The following DSE variants were observed in gnomAD, a reference collection of about 807,000 sequenced individuals.
DSE encodes the protein dermatan-sulfate epimerase.
Under a neutral mutation model 84.4 loss-of-function variants are expected in DSE, and 36 were observed. That is an observed-to-expected ratio of 0.43 (90% CI 0.33 to 0.56). DSE has a LOEUF of 0.56. Among genes scored for constraint, DSE ranks in the 20% least tolerant of loss-of-function variants. The pLI is 0.06. For missense variants in DSE, 862 were observed against 1,169.6 expected (o/e 0.74, Z 3.84); for synonymous variants, 410 against 430.1 (o/e 0.95, Z 0.58).
chr6:116,294,989 G>T (rs147934722), intron 2 of DSE, among the ~76,000 whole-genome samples: 4 of 152,294 alleles, frequency 2.6e-5, no homozygotes, highest in African/African-American at 9.6e-5. Flanking sequence ...AACGATAAAA[G>T]ACACTGTTCA....
intron 2 of DSE, among the ~76,000 whole-genome samples, chr6:116,365,212 A>G (rs2114891647): frequency 6.6e-6 from 1 of 151,946 alleles, no homozygotes; most frequent in African/African-American, 2.4e-5. Context: ...AAACACCTCA[A>G]ACTTTCTAAT....
chr6:116,339,272 C>G (rs1936853603), intron 2 of DSE, among the ~76,000 whole-genome samples: 1 of 151,774 alleles, frequency 6.6e-6, no homozygotes, highest in Admixed American at 6.6e-5. Context: ...GGAACATGTA[C>G]CCACCCAAAA....
intron 2 of DSE, among the ~76,000 whole-genome samples, chr6:116,331,573 G>A (rs1482454696): frequency 6.6e-6 from 1 of 152,182 alleles, no homozygotes; most frequent in East Asian, 1.9e-4. Context: ...GTTCTGGGCG[G>A]GGACAGAGCC....
intron 2 of DSE, among the ~76,000 whole-genome samples, chr6:116,272,524 G>T (rs1772925441): frequency 6.6e-6 from 1 of 152,176 alleles, no homozygotes; most frequent in African/African-American, 2.4e-5. Flanking sequence ...CTATGAAATA[G>T]ATATACTGAA....
In DSE at chr6:116,265,664, A is replaced by G. The variant is rs564672564; in HGVS notation, c.-54+6697A>G. Among the ~76,000 whole-genome samples the G allele has an allele frequency of 3.3e-5, 5 of 152,012 alleles. No homozygotes were observed. In the East Asian group the frequency reaches 7.8e-4, roughly 24 times the overall value. On this transcript the variant is annotated intron_variant, in intron 2 of 3. Coordinates refer to the DSE transcript ENST00000430252. ...GGTGTGGGCCCCCAGGGAACCCGAG[A>G]CCACCCTGCAAGCAGGAATGGCCAG... is the stretch of plus-strand genomic sequence containing the variant.
At position 116,435,608 on chromosome 6, in the gene DSE, G is replaced by T. The variant is rs756171586; in HGVS notation, c.1140G>T (p.Ser380=). ...EFLWYDGSLK[S]VPPPDFGTPT... ...TCAGGTATGATGGCAGCTTGAAATC[G>T]GTTCCTCCTCCAGACTTTGGCACCC... The change falls in exon 6 of 6, where the codon TCG becomes TCT. Residue 380 remains serine (S), a synonymous_variant. Transcript: ENST00000644252. The T allele has an allele frequency of 6.3e-7, 1 of 1,575,082 alleles. No homozygotes were observed. The highest frequency in any genetic ancestry group is 8.6e-7 in the Non-Finnish European group (1 of 1,161,268).
Position 116,410,733 on chromosome 6 carries a change from C to CAAAAAAAAAAAAA in DSE, c.416+11088_416+11100dup, listed in dbSNP as rs765969508. Among the ~76,000 whole-genome samples, 25 of 79,606 alleles carry CAAAAAAAAAAAAA rather than the reference C, an allele frequency of 3.1e-4. 1 individual carries two copies. Among genetic ancestry groups the CAAAAAAAAAAAAA allele is most frequent in the Middle Eastern group, 8.8e-3 (1 of 114 alleles). 52.2% of individuals were successfully genotyped at this position (79,606 alleles called of 152,430 possible). On this transcript the variant is annotated intron_variant, in intron 2 of 5. Transcript: ENST00000644252. ...TGGGCGACAGAGCGAGACTCTGTCT[C>CAAAAAAAAAAAAA]AAAAAAAAAAAAAAAAAAAAAAAAA...
At chr6:116,353,288 A>T (rs1263823564) in intron 2 of DSE, among the ~76,000 whole-genome samples, 1 of 152,154 alleles carries the variant, frequency 6.6e-6, no homozygotes, top group Non-Finnish European at 1.5e-5. Flanking sequence ...AAATGAAAAG[A>T]CTGCTAAGGG....
chr6:116,308,666 T>TG (rs1381608882), intron 2 of DSE, among the ~76,000 whole-genome samples: 5 of 152,150 alleles, frequency 3.3e-5, no homozygotes, highest in African/African-American at 1.2e-4. Flanking sequence ...CATCTTTTGT[T>TG]GCATTTTTTT....
At chr6:116,407,256 C>G (rs150405110) in intron 2 of DSE, among the ~76,000 whole-genome samples, 237 of 152,248 alleles carry the variant, frequency 1.6e-3, no homozygotes, top group African/African-American at 5.5e-3. Context: ...GAGAGGGAGG[C>G]ATAAATGATG....
At chr6:116,284,731 C>T (rs1022832351) in intron 2 of DSE, among the ~76,000 whole-genome samples, 1 of 138,850 alleles carries the variant, frequency 7.2e-6, no homozygotes, top group Non-Finnish European at 1.5e-5. Flanking sequence ...CAAGTGTTCT[C>T]ATTGTTCAAT....
chr6:116,361,134 A>T (rs1206054630), intron 2 of DSE, among the ~76,000 whole-genome samples: 1 of 151,914 alleles, frequency 6.6e-6, no homozygotes, highest in Non-Finnish European at 1.5e-5. Context: ...ATCTCGGCTG[A>T]CCACAACCTC....
chr6:116,385,297 G>A (rs1780512663), intron 1 of DSE, among the ~76,000 whole-genome samples: 1 of 152,134 alleles, frequency 6.6e-6, no homozygotes, highest in Non-Finnish European at 1.5e-5. Context: ...AAATAGAGTG[G>A]TGACATACTC....
At chr6:116,257,949 C>A (rs755954166) in intron 1 of DSE, among the ~76,000 whole-genome samples, 1 of 152,194 alleles carries the variant, frequency 6.6e-6, no homozygotes, top group Admixed American at 6.5e-5. Flanking sequence ...TAAAGAGAAA[C>A]AAGAATTCAT....
chr6:116,434,979 A>T (rs1360420648), intron 5 of DSE, among the ~76,000 whole-genome samples: 1 of 152,212 alleles, frequency 6.6e-6, no homozygotes, highest in Non-Finnish European at 1.5e-5. Flanking sequence ...AGTAGGCACA[A>T]TTATAAATCC....
At chr6:116,390,338 G>A (rs968174698) in intron 1 of DSE, among the ~76,000 whole-genome samples, 2 of 152,122 alleles carry the variant, frequency 1.3e-5, no homozygotes, top group Admixed American at 6.5e-5. Flanking sequence ...CAACTGCTGG[G>A]ATAACAGGCA....
chr6:116,378,893 T>C (rs1780072685), intron 1 of DSE, among the ~76,000 whole-genome samples: 1 of 152,132 alleles, frequency 6.6e-6, no homozygotes, highest in Admixed American at 6.6e-5. Context: ...GTTGCATGAA[T>C]GTAGGGGGCA....
chr6:116,365,446 G>T (rs1445277070), upstream of DSE, among the ~76,000 whole-genome samples: 1 of 151,726 alleles, frequency 6.6e-6, no homozygotes, highest in Non-Finnish European at 1.5e-5. Flanking sequence ...GTAGAGACGG[G>T]GTTTCACCAT....
At chr6:116,370,794 A>AG (rs1348276350), upstream of DSE, 15 of 976,342 alleles carry the variant, frequency 1.5e-5, no homozygotes, top group South Asian at 4.7e-5. Flanking sequence ...CGGCCGGGGG[A>AG]GGGGGTCCCC....
Sources: allele counts gnomAD v4.1 joint callset (sites outside exome capture counted in the v4.1 genomes callset), GRCh38; gene constraint gnomAD v4.1.1; transcripts MANE v1.5; gene names NCBI Gene and HGNC (gene_info 2026-07-23, HGNC 2026-07-21).